Variants in ADRA1B observed in about 807,000 individuals in gnomAD.
ADRA1B encodes alpha-1B adrenergic receptor.
ADRA1B carries 17 observed loss-of-function variants against 17.9 expected under a neutral mutation model. That is an observed-to-expected ratio of 0.95 (90% CI 0.65 to 1.42). The LOEUF is 1.42. Among genes scored for constraint, ADRA1B ranks in the 40% most tolerant of loss-of-function variants. The probability of loss-of-function intolerance (pLI) is 0.00; values close to 1 mark genes in which losing one functional copy is unlikely to be tolerated. For missense variants in ADRA1B, 681 were observed against 722.1 expected (o/e 0.94, Z 0.65); for synonymous variants, 366 against 327.6 (o/e 1.12, Z -1.27).
At chr5:159,893,632 T>TC (rs1292064386) in intron 1 of ADRA1B, among the ~76,000 whole-genome samples, 1 of 152,232 alleles carries the variant, frequency 6.6e-6, no homozygotes, top group Non-Finnish European at 1.5e-5. Context: ...TTTCATTTGT[T>TC]CAGTCATTCA....
intron 1 of ADRA1B, among the ~76,000 whole-genome samples, chr5:159,901,597 CT>C (rs1200656720): frequency 6.6e-6 from 1 of 152,172 alleles, no homozygotes; most frequent in African/African-American, 2.4e-5. Context: ...TTCCTGAAAG[CT>C]TCTTGAGGGG....
At chr5:159,939,308 TGTGTGTGTGTGTGTGCGCGC>T (rs1561600619) in intron 1 of ADRA1B, among the ~76,000 whole-genome samples, 1 of 141,380 alleles carries the variant, frequency 7.1e-6, no homozygotes, top group African/African-American at 2.7e-5. Flanking sequence ...TGTGTGTGTG[TGTGTGTGTGTGTGTGCGCGC>T]GCGCGCGCAC....
At chr5:159,893,157 A>G (rs1039720690) in intron 1 of ADRA1B, among the ~76,000 whole-genome samples, 3 of 152,174 alleles carry the variant, frequency 2.0e-5, no homozygotes, top group Non-Finnish European at 4.4e-5. Context: ...TGGAACTTAT[A>G]TTCTTTGAAG....
At chr5:159,924,454 G>A (rs1389363118) in intron 1 of ADRA1B, among the ~76,000 whole-genome samples, 3 of 152,268 alleles carry the variant, frequency 2.0e-5, no homozygotes, top group African/African-American at 2.4e-5. Context: ...TGAGGAAAAC[G>A]GGAGGGAGGA....
At chr5:159,894,092 T>G (rs990263183) in intron 1 of ADRA1B, among the ~76,000 whole-genome samples, 2 of 152,190 alleles carry the variant, frequency 1.3e-5, no homozygotes, top group Non-Finnish European at 2.9e-5. Context: ...CAGCTACACC[T>G]TGCTGAAGTG....
chr5:159,869,574 C>T (rs369921474), intron 1 of ADRA1B: 1 of 152,242 alleles, frequency 6.6e-6, no homozygotes, highest in Admixed American at 6.5e-5. Flanking sequence ...TTGTAGAAGA[C>T]ATGTTTGCAC....
chr5:159,887,691 C>G (rs1168749358), intron 1 of ADRA1B, among the ~76,000 whole-genome samples: 1 of 152,212 alleles, frequency 6.6e-6, no homozygotes, highest in African/African-American at 2.4e-5. Context: ...TTACATGAAG[C>G]TATTACACTT....
chr5:159,961,931 A>G (rs1755670220), intron 1 of ADRA1B, among the ~76,000 whole-genome samples: 1 of 152,196 alleles, frequency 6.6e-6, no homozygotes, highest in Admixed American at 6.5e-5. Flanking sequence ...TATTGAGTGA[A>G]GGCCAATGGA....
At chr5:159,983,733 G>A in the ADRA1B span, among the ~76,000 whole-genome samples, 7 of 152,144 alleles carry the variant, frequency 4.6e-5, no homozygotes, top group South Asian at 4.1e-4. Context: ...GAATTTTGCA[G>A]GTGGGTCTCT....
chr5:159,963,699 G>A (rs1272554508), intron 1 of ADRA1B, among the ~76,000 whole-genome samples: 4 of 152,194 alleles, frequency 2.6e-5, no homozygotes, highest in Admixed American at 2.0e-4. Context: ...CTACAGACAT[G>A]CCCTGAGGTT....
At chr5:159,971,777 G>T in intron 1 of ADRA1B, 102 bp from the exon 2 acceptor site, 1 of 1,224,464 alleles carries the variant, frequency 8.2e-7, no homozygotes. Flanking sequence ...CGGCAGGAAC[G>T]CTGCAGGTTG....
At chr5:159,899,302 G>GGAAGGAAGGAAA (rs1754074985) in intron 1 of ADRA1B, among the ~76,000 whole-genome samples, 1 of 148,322 alleles carries the variant, frequency 6.7e-6, no homozygotes, top group African/African-American at 2.6e-5. Flanking sequence ...AAGGAAGGAA[G>GGAAGGAAGGAAA]GAAGGAAGGA....
Position 159,917,741 on chromosome 5 carries a change from T to C in ADRA1B, c.836T>C (p.Ile279Thr), listed in dbSNP as rs375270240. The C allele has an allele frequency of 6.8e-6, 11 of 1,614,004 alleles. No homozygotes were observed. Among genetic ancestry groups the C allele is most frequent in the Non-Finnish European group, 9.3e-6 (11 of 1,180,040 alleles). Residue 279 changes from isoleucine to threonine, a missense_variant, in exon 1 of 2, where the codon ATA becomes ACA. Physicochemically the swap from Ile to Thr is moderately conservative, Grantham distance 89 (BLOSUM62 -1). Around this residue, in one of 3 missense-constraint regions of ADRA1B, gnomAD observed 424 missense variants for 480.2 expected, o/e 0.88. Coordinates refer to ENST00000306675, the MANE Select transcript of ADRA1B (RefSeq NM_000679.4). ...AAGGGCCACAACCCCAGGAGTTCCA[T>C]AGCTGTCAAACTTTTTAAGTTCTCC... The part of the protein sequence containing the change: ...KAKGHNPRSS[I>T]AVKLFKFSRE...
rs193203246 is a variant in ADRA1B, at chr5:159,906,145, G to A, written c.-255-9974G>A. Among the ~76,000 whole-genome samples the A allele has an allele frequency of 8.9e-4, 135 of 152,228 alleles. 1 individual carries two copies. In the South Asian group the frequency reaches 0.018, roughly 21 times the overall value. On this transcript the variant is annotated intron_variant, in intron 1 of 2. Transcript: ENST00000641205. ...GCTGGGATTACAGGGGTAAGCCACC[G>A]CACCAACCACAATGCCATTTTTAAT...
chr5:159,981,468 C>G, the ADRA1B span, among the ~76,000 whole-genome samples: 2 of 152,030 alleles, frequency 1.3e-5, no homozygotes, highest in African/African-American at 4.8e-5. Context: ...CTAATAGTTC[C>G]CATTTTGTAT....
chr5:159,929,868 CTATT>C (rs1561596644), intron 1 of ADRA1B, among the ~76,000 whole-genome samples: 1 of 151,992 alleles, frequency 6.6e-6, no homozygotes, highest in Non-Finnish European at 1.5e-5. Context: ...CCAAAATAGT[CTATT>C]TATTTGTAAG....
intron 1 of ADRA1B, among the ~76,000 whole-genome samples, chr5:159,878,838 G>C (rs1753827916): frequency 6.6e-6 from 1 of 152,192 alleles, no homozygotes; most frequent in Non-Finnish European, 1.5e-5. Context: ...AATAGATCAT[G>C]CATGTATCCA....
intron 1 of ADRA1B, among the ~76,000 whole-genome samples, chr5:159,966,150 GA>G (rs1755772881): frequency 6.6e-6 from 1 of 152,118 alleles, no homozygotes; most frequent in Non-Finnish European, 1.5e-5. Flanking sequence ...CACAAAACTG[GA>G]AAGCAGTTCA....
chr5:159,902,352 G>C (rs1369168467), intron 1 of ADRA1B, among the ~76,000 whole-genome samples: 1 of 152,084 alleles, frequency 6.6e-6, no homozygotes, highest in Non-Finnish European at 1.5e-5. Flanking sequence ...TTGTTCAATG[G>C]GTCTGCAGTT....
Sources: gnomAD v4.1 joint callset for allele counts (sites outside exome capture counted in the v4.1 genomes callset) on GRCh38, gnomAD v4.1.1 for gene constraint, gnomAD v4.1.1 regional missense constraint, MANE v1.5 for transcripts, NCBI Gene and HGNC (gene_info 2026-07-23, HGNC 2026-07-21) for gene names.